ESRRG: variants seen among roughly 807,000 people sequenced by gnomAD.
ESRRG encodes estrogen-related receptor gamma.
ESRRG carries 13 observed loss-of-function variants against 44.0 expected under a neutral mutation model. The ratio of observed to expected loss-of-function variants is 0.30; its 90% CI spans 0.19 to 0.47. The LOEUF (loss-of-function observed/expected upper bound fraction) is 0.47. ESRRG is among the 20% of genes least tolerant of loss of function. The pLI, the probability that ESRRG is intolerant of heterozygous loss-of-function variation, is 1.00. For synonymous variants in ESRRG, 215 were observed against 214.6 expected (o/e 1.00, Z -0.02); for missense variants, 395 against 580.6 (o/e 0.68, Z 3.29).
chr1:217,064,255 CATATATGTATGT>C (rs1293232464), intron 1 of ESRRG, among the ~76,000 whole-genome samples: 1 of 151,322 alleles, frequency 6.6e-6, no homozygotes, highest in African/African-American at 2.4e-5. Context: ...TGTATATATA[CATATATGTATGT>C]ATATATGTAT....
chr1:217,110,997 G>A (rs1461705131), intron 1 of ESRRG, among the ~76,000 whole-genome samples: 1 of 152,158 alleles, frequency 6.6e-6, no homozygotes, highest in Non-Finnish European at 1.5e-5. Flanking sequence ...TTCTACCAAA[G>A]TTTTATCATG....
At chr1:217,070,215 G>A (rs1405734460) in intron 1 of ESRRG, among the ~76,000 whole-genome samples, 1 of 152,160 alleles carries the variant, frequency 6.6e-6, no homozygotes, top group Non-Finnish European at 1.5e-5. Context: ...TAGGAAGAAT[G>A]TGGCTTATTT....
chr1:216,994,597 T>C (rs2076137041), intron 1 of ESRRG, among the ~76,000 whole-genome samples: 1 of 152,174 alleles, frequency 6.6e-6, no homozygotes, highest in African/African-American at 2.4e-5. Context: ...CTTCTTTTTT[T>C]TTCTTGAGAC....
At chr1:216,656,571 A>C (rs1429396616) in intron 2 of ESRRG, among the ~76,000 whole-genome samples, 2 of 152,194 alleles carry the variant, frequency 1.3e-5, no homozygotes, top group Non-Finnish European at 2.9e-5. Context: ...TCCAGCCTGG[A>C]GCGCCAGTGG....
intron 1 of ESRRG, among the ~76,000 whole-genome samples, chr1:217,114,882 C>G (rs1335580962): frequency 1.3e-5 from 2 of 151,978 alleles, no homozygotes; most frequent in African/African-American, 4.8e-5. Flanking sequence ...CCAGGATGGT[C>G]TCGATCTCCT....
chr1:216,656,195 G>A (rs2070511592), intron 2 of ESRRG, among the ~76,000 whole-genome samples: 1 of 152,142 alleles, frequency 6.6e-6, no homozygotes, highest in East Asian at 1.9e-4. Context: ...TTCAGACACG[G>A]AGTTTTCTTG....
chr1:216,667,736 A>G (rs1456926349), intron 2 of ESRRG, among the ~76,000 whole-genome samples: 3 of 151,174 alleles, frequency 2.0e-5, no homozygotes, highest in Non-Finnish European at 4.4e-5. Context: ...AAAATTATGA[A>G]AAAGCTTATC....
intron 2 of ESRRG, among the ~76,000 whole-genome samples, chr1:216,908,202 C>T (rs11572520): frequency 0.016 from 2,419 of 152,256 alleles, 29 homozygotes; most frequent in Non-Finnish European, 0.023. Flanking sequence ...CTGGCAGAAA[C>T]CCTGGGATGA....
At chr1:216,813,945 G>T (rs965870509) in intron 2 of ESRRG, among the ~76,000 whole-genome samples, 3 of 152,124 alleles carry the variant, frequency 2.0e-5, no homozygotes, top group African/African-American at 7.2e-5. Flanking sequence ...TGTGGCATCT[G>T]ATTCACAATA....
intron 2 of ESRRG, among the ~76,000 whole-genome samples, chr1:216,894,290 A>G (rs2058158926): frequency 6.6e-6 from 1 of 152,172 alleles, no homozygotes; most frequent in Non-Finnish European, 1.5e-5. Context: ...GTCTTAAAAA[A>G]ATAGATGCCT....
intron 2 of ESRRG, among the ~76,000 whole-genome samples, chr1:216,914,228 G>A (rs770519474): frequency 1.5e-4 from 23 of 151,962 alleles, no homozygotes; most frequent in Admixed American, 5.2e-4. Flanking sequence ...GCTCTGACAC[G>A]GGGGATTAAT....
rs1011313649 is a variant in ESRRG at position 216,587,940 on chromosome 1, A to G, written c.590-19842T>C. Among the ~76,000 whole-genome samples, 8 of 152,214 alleles carry G rather than the reference A, an allele frequency of 5.3e-5. No homozygotes were observed. The East Asian group carries it at 1.2e-3, about 22-fold the overall frequency. ...ACATTGAGTCATCAATCCTAATTCT[A>G]CATTAAACATCTTGTGAAACTCCAT... On this transcript the variant is annotated intron_variant, in intron 3 of 6. Transcript: ENST00000408911.
At chr1:216,740,120 C>T (rs770691796) in intron 2 of ESRRG, among the ~76,000 whole-genome samples, 17 of 152,204 alleles carry the variant, frequency 1.1e-4, no homozygotes, top group Non-Finnish European at 2.2e-4. Flanking sequence ...TATCTGGCTA[C>T]AGTCCTATCT....
upstream of ESRRG, chr1:217,090,409 A>C (rs1160070082): frequency 6.6e-6 from 1 of 151,964 alleles, no homozygotes; most frequent in Admixed American, 6.6e-5. Flanking sequence ...AACCCTGAAA[A>C]ACCATTTTCC....
intron 3 of ESRRG, among the ~76,000 whole-genome samples, chr1:216,578,966 A>G (rs1047357331): frequency 2.0e-4 from 31 of 152,132 alleles, no homozygotes; most frequent in African/African-American, 7.5e-4. Flanking sequence ...GAGAATTATG[A>G]ATACTGGTGA....
chr1:216,954,956 G>T (rs949446186), intron 1 of ESRRG, among the ~76,000 whole-genome samples: 4 of 151,984 alleles, frequency 2.6e-5, no homozygotes, highest in African/African-American at 9.7e-5. Context: ...GGTATAGAGT[G>T]GTATTTCGAT....
intron 2 of ESRRG, among the ~76,000 whole-genome samples, chr1:216,891,559 C>T (rs1050300876): frequency 6.6e-6 from 1 of 152,206 alleles, no homozygotes; most frequent in East Asian, 1.9e-4. Context: ...AGAAACTACA[C>T]AAGCTTGGCA....
At chr1:216,797,973 C>T (rs1188472155) in intron 2 of ESRRG, among the ~76,000 whole-genome samples, 1 of 152,042 alleles carries the variant, frequency 6.6e-6, no homozygotes, top group Non-Finnish European at 1.5e-5. Context: ...ACTTTTGACC[C>T]CTCTTTTGTC....
intron 2 of ESRRG, among the ~76,000 whole-genome samples, chr1:216,859,654 G>A (rs1424587992): frequency 6.6e-6 from 1 of 151,986 alleles, no homozygotes; most frequent in African/African-American, 2.4e-5. Flanking sequence ...ACATTGGGTG[G>A]GGTACACTGA....
Sources: allele counts gnomAD v4.1 joint callset (sites outside exome capture counted in the v4.1 genomes callset), GRCh38; gene constraint gnomAD v4.1.1; transcripts MANE v1.5; gene names NCBI Gene and HGNC (gene_info 2026-07-23, HGNC 2026-07-21).